The following GLG1 variants were observed in gnomAD, a reference collection of about 807,000 sequenced individuals.
GLG1 encodes golgi glycoprotein 1, also known as Golgi apparatus protein 1.
Under a neutral mutation model 160.5 loss-of-function variants are expected in GLG1, and 38 were observed. The ratio of observed to expected loss-of-function variants is 0.24; its 90% CI spans 0.18 to 0.31. GLG1 has a LOEUF of 0.31. Ranked by LOEUF, GLG1 falls within the 10% of genes least tolerant of loss-of-function variation. The pLI, the probability that GLG1 is intolerant of heterozygous loss-of-function variation, is 1.00. For synonymous variants in GLG1, 644 were observed against 543.4 expected (o/e 1.19, Z -2.57); for missense variants, 1,373 against 1,505.2 (o/e 0.91, Z 1.45).
At chr16:74,516,511 A>T (rs2016982805) in intron 2 of GLG1, among the ~76,000 whole-genome samples, 1 of 152,244 alleles carries the variant, frequency 6.6e-6, no homozygotes, top group South Asian at 2.1e-4. Flanking sequence ...AACCAATGAG[A>T]ACAAAGACAC....
intron 1 of GLG1, among the ~76,000 whole-genome samples, chr16:74,538,469 C>T (rs2143637732): frequency 6.6e-6 from 1 of 152,278 alleles, no homozygotes; most frequent in Admixed American, 6.5e-5. Context: ...AGTCTAAATG[C>T]AATCTCGATC....
chr16:74,473,340 A>G (rs544117188), intron 13 of GLG1, among the ~76,000 whole-genome samples: 107 of 151,854 alleles, frequency 7.0e-4, no homozygotes, highest in African/African-American at 2.4e-3. Context: ...CAGCCTCCCA[A>G]GTACCTGGCA....
At chr16:74,522,162 A>T (rs1299450903) in intron 2 of GLG1, among the ~76,000 whole-genome samples, 1 of 152,252 alleles carries the variant, frequency 6.6e-6, no homozygotes, top group Non-Finnish European at 1.5e-5. Context: ...AGTTAATAGA[A>T]TTCAAATACT....
At chr16:74,534,179 A>C (rs1425575044) in intron 1 of GLG1, among the ~76,000 whole-genome samples, 1 of 152,042 alleles carries the variant, frequency 6.6e-6, no homozygotes, top group Non-Finnish European at 1.5e-5. Context: ...CTAATAGCAG[A>C]TACTTTAATG....
chr16:74,592,866 G>C (rs1482025839), intron 1 of GLG1, among the ~76,000 whole-genome samples: 3 of 152,068 alleles, frequency 2.0e-5, no homozygotes. Context: ...TTCATGTGTT[G>C]GAAACTTAAT....
At chr16:74,496,174 A>G (rs994812510) in intron 5 of GLG1, among the ~76,000 whole-genome samples, 6 of 152,004 alleles carry the variant, frequency 3.9e-5, no homozygotes, top group Non-Finnish European at 7.4e-5. Flanking sequence ...AGGCTGAGGC[A>G]GAAGAATCGC....
In GLG1 at chr16:74,581,855, T is replaced by C. The variant is rs182626186; in HGVS notation, c.438+24802A>G. 2.0e-5 allele frequency among the ~76,000 whole-genome samples: 3 copies of C among 152,228 alleles called. No homozygotes were observed. In the East Asian group the frequency reaches 5.8e-4, roughly 29 times the overall value. On this transcript the variant is annotated intron_variant, in intron 1 of 25. Coordinates refer to ENST00000422840, the MANE Select transcript of GLG1 (RefSeq NM_001145667.2). ...TGAACCTGGGAGGCAGAGGTCACAG[T>C]GAGTCGAGATAGCGTTACTGCACTC...
chr16:74,507,131 T>C (rs148080733), intron 3 of GLG1, among the ~76,000 whole-genome samples: 1 of 152,218 alleles, frequency 6.6e-6, no homozygotes, highest in Non-Finnish European at 1.5e-5. Flanking sequence ...TGCTGGAGAC[T>C]GTGTTCTTCC....
At chr16:74,473,211 C>T (rs8061793) in intron 13 of GLG1, among the ~76,000 whole-genome samples, 67 of 148,924 alleles carry the variant, frequency 4.5e-4, no homozygotes, top group East Asian at 2.4e-3. Flanking sequence ...TCTAATCCCC[C>T]TTTTTTTTTT....
intron 1 of GLG1, among the ~76,000 whole-genome samples, chr16:74,592,188 GT>G (rs1958200163): frequency 6.6e-6 from 1 of 152,158 alleles, no homozygotes; most frequent in Non-Finnish European, 1.5e-5. Flanking sequence ...TGTCATCCAG[GT>G]TGGAGTGCAA....
Position 74,606,954 on chromosome 16 carries a change from C to T in GLG1, c.141G>A (p.Val47=), listed in dbSNP as rs763842614. The T allele has an allele frequency of 6.2e-7, 1 of 1,609,010 alleles. No homozygotes were observed. Among genetic ancestry groups the T allele is most frequent in the Non-Finnish European group, 8.5e-7 (1 of 1,179,034 alleles). ...SQGQGPGANF[V]SFVGQAGGGG... is the part of the protein sequence containing the mutation. ...CGCCTCCGGCCTGCCCTACGAAGGACACAAAGTTGGCCCCGGGACCCTGGC... is the reference window on the plus strand; with the variant it reads ...CGCCTCCGGCCTGCCCTACGAAGGATACAAAGTTGGCCCCGGGACCCTGGC... Residue 47 remains valine, a synonymous_variant, in exon 1 of 26, where the codon GTG becomes GTA. Transcript: ENST00000422840.
chr16:74,565,161 T>C (rs1224623836), intron 1 of GLG1, among the ~76,000 whole-genome samples: 1 of 152,070 alleles, frequency 6.6e-6, no homozygotes, highest in Non-Finnish European at 1.5e-5. Context: ...GAAATCTGTC[T>C]CTACTAAAAA....
chr16:74,465,547 G>T (rs916124753), intron 19 of GLG1, 129 bp downstream of exon 19: 3 of 877,658 alleles, frequency 3.4e-6, no homozygotes, highest in East Asian at 4.9e-5. Flanking sequence ...GCTCCCAGGG[G>T]GTGCTGCTGC....
In GLG1 at chr16:74,452,488, A is replaced by C; in HGVS notation, c.*679T>G. ...AAGCGAGGAGACCACAGAAATACCC[A>C]TGGCTGTGGGGCTGTGACCAGCAGT... On this transcript the variant is annotated 3_prime_UTR_variant, in exon 26 of 26. Coordinates refer to ENST00000422840, the MANE Select transcript of GLG1 (RefSeq NM_001145667.2). The C allele has an allele frequency of 9.5e-7, 1 of 1,047,796 alleles. No homozygotes were observed. The highest frequency in any genetic ancestry group is 1.2e-6 in the Non-Finnish European group (1 of 865,856). The allele number at this position is 1,047,796 out of a possible 1,614,324, so 64.9% of individuals were successfully genotyped here.
chr16:74,479,051 C>CAAAAAAAAAAAAA (rs34125450), intron 11 of GLG1, among the ~76,000 whole-genome samples: 619 of 17,574 alleles, frequency 0.035, 207 homozygotes, highest in Non-Finnish European at 0.039. Flanking sequence ...ATTAAAAATC[C>CAAAAAAAAAAAAA]AAAAAAAAAA....
chr16:74,577,455 G>GA, intron 1 of GLG1, among the ~76,000 whole-genome samples: 1 of 140,632 alleles, frequency 7.1e-6, no homozygotes, highest in East Asian at 2.1e-4. Context: ...TCAGGAGGCA[G>GA]AAAGTGCAGT....
intron 1 of GLG1, among the ~76,000 whole-genome samples, chr16:74,604,572 A>AT (rs1166577571): frequency 6.6e-6 from 1 of 152,272 alleles, no homozygotes; most frequent in African/African-American, 2.4e-5. Context: ...AAAAGTACAT[A>AT]TATCTATTTC....
At chr16:74,499,906 G>C (rs1401261036) in intron 4 of GLG1, among the ~76,000 whole-genome samples, 1 of 152,190 alleles carries the variant, frequency 6.6e-6, no homozygotes, top group Non-Finnish European at 1.5e-5. Context: ...AGGAGGCTGA[G>C]GCAGGAGAAT....
chr16:74,597,416 G>A (rs1211251106), intron 1 of GLG1, among the ~76,000 whole-genome samples: 2 of 144,094 alleles, frequency 1.4e-5, no homozygotes, highest in Non-Finnish European at 3.0e-5. Flanking sequence ...GGATGACAGA[G>A]TGAGACTCCA....
Sources: allele counts gnomAD v4.1 joint callset (sites outside exome capture counted in the v4.1 genomes callset), GRCh38; gene constraint gnomAD v4.1.1; transcripts MANE v1.5; gene names NCBI Gene and HGNC (gene_info 2026-07-23, HGNC 2026-07-21).